The following ZFHX3 variants were observed in gnomAD, a reference collection of about 807,000 sequenced individuals.
ZFHX3 encodes the protein zinc finger homeobox 3.
A neutral mutation model predicts 279.1 loss-of-function variants in ZFHX3; 42 were observed. That is an observed-to-expected ratio of 0.15 (90% CI 0.12 to 0.19). ZFHX3 has a LOEUF of 0.19. ZFHX3 is among the 10% of genes least tolerant of loss of function. ZFHX3 has a pLI of 1.00. For synonymous variants in ZFHX3, 2,293 were observed against 1,957.8 expected, an observed-to-expected ratio of 1.17 and a Z score of -4.52; for missense variants, 4,981 against 4,754.0, an observed-to-expected ratio of 1.05 and a Z score of -1.40.
chr16:73,157,427 T>C (rs946504799), intron 5 of ZFHX3, among the ~76,000 whole-genome samples: 1 of 137,112 alleles, frequency 7.3e-6, no homozygotes, highest in African/African-American at 2.8e-5. Flanking sequence ...CTATGATCAA[T>C]GTGGAGAAAT....
chr16:73,597,479 T>A (rs1190872374), intron 2 of ZFHX3, among the ~76,000 whole-genome samples: 2 of 152,172 alleles, frequency 1.3e-5, no homozygotes, highest in African/African-American at 4.8e-5. Flanking sequence ...AATATGACCT[T>A]ATTTGACAAT....
chr16:73,805,005 A>G (rs914320329), intron 1 of ZFHX3, among the ~76,000 whole-genome samples: 1 of 149,966 alleles, frequency 6.7e-6, no homozygotes, highest in Non-Finnish European at 1.5e-5. Flanking sequence ...TTATTATATG[A>G]CTATTTATGG....
chr16:73,138,844 T>C (rs1438428050), intron 6 of ZFHX3, among the ~76,000 whole-genome samples: 1 of 152,148 alleles, frequency 6.6e-6, no homozygotes, highest in African/African-American at 2.4e-5. Context: ...CGCACCACTA[T>C]GCCTGGCTTA....
chr16:73,094,106 T>C (rs1373251730), intron 7 of ZFHX3, among the ~76,000 whole-genome samples: 1 of 152,204 alleles, frequency 6.6e-6, no homozygotes, highest in Non-Finnish European at 1.5e-5. Flanking sequence ...AGGCGCTCAA[T>C]AGCTTTCTTA....
intron 2 of ZFHX3, among the ~76,000 whole-genome samples, chr16:73,549,054 A>G (rs2020165283): frequency 6.6e-6 from 1 of 152,262 alleles, no homozygotes; most frequent in Non-Finnish European, 1.5e-5. Flanking sequence ...ACATTTAGGA[A>G]TTGTTCACAA....
chr16:73,056,244 C>T (rs1305944481), intron 1 of ZFHX3, among the ~76,000 whole-genome samples: 1 of 152,170 alleles, frequency 6.6e-6, no homozygotes, highest in Non-Finnish European at 1.5e-5. Context: ...CACCTACCAC[C>T]AAGCTTTCAA....
chr16:73,409,105 G>C (rs768362812), intron 3 of ZFHX3, among the ~76,000 whole-genome samples: 10 of 152,158 alleles, frequency 6.6e-5, no homozygotes, highest in Non-Finnish European at 1.0e-4. Context: ...TGCTATATTA[G>C]CATTCACCCA....
At chr16:73,383,574 C>G (rs2016851225) in intron 3 of ZFHX3, among the ~76,000 whole-genome samples, 1 of 152,016 alleles carries the variant, frequency 6.6e-6, no homozygotes, top group Non-Finnish European at 1.5e-5. Flanking sequence ...AGAGGGACCC[C>G]GCATCCAGCA....
chr16:72,939,941 A>AT (rs1960328421), intron 3 of ZFHX3, among the ~76,000 whole-genome samples: 1 of 151,916 alleles, frequency 6.6e-6, no homozygotes, highest in African/African-American at 2.4e-5. Flanking sequence ...CACCCTGATA[A>AT]TTTTTTTATT....
intron 2 of ZFHX3, among the ~76,000 whole-genome samples, chr16:73,501,151 C>T (rs991994253): frequency 6.6e-6 from 1 of 152,232 alleles, no homozygotes; most frequent in Non-Finnish European, 1.5e-5. Context: ...GTATTCACTA[C>T]AGTAGCATGC....
chr16:73,663,674 G>C (rs528754071), intron 2 of ZFHX3, among the ~76,000 whole-genome samples: 2 of 152,340 alleles, frequency 1.3e-5, no homozygotes, highest in Admixed American at 6.5e-5. Context: ...GGACAAAGGA[G>C]ATGCTGAATA....
chr16:73,782,717 G>C (rs1959514245), intron 1 of ZFHX3, among the ~76,000 whole-genome samples: 1 of 152,160 alleles, frequency 6.6e-6, no homozygotes, highest in Admixed American at 6.6e-5. Context: ...TGACCCTCTG[G>C]TTCTGCCCTT....
At chr16:73,569,608 G>A (rs2051714378) in intron 2 of ZFHX3, among the ~76,000 whole-genome samples, 1 of 151,986 alleles carries the variant, frequency 6.6e-6, no homozygotes, top group Non-Finnish European at 1.5e-5. Context: ...GAATCCACTC[G>A]GCCACAATGC....
chr16:73,633,486 G>C (rs992485025), intron 2 of ZFHX3, among the ~76,000 whole-genome samples: 4 of 152,218 alleles, frequency 2.6e-5, no homozygotes, highest in African/African-American at 9.6e-5. Context: ...ATCTTTGCAG[G>C]AAAGTGAGGG....
At chr16:73,235,940 G>C (rs1293188869) in intron 5 of ZFHX3, among the ~76,000 whole-genome samples, 2 of 152,136 alleles carry the variant, frequency 1.3e-5, no homozygotes, top group African/African-American at 4.8e-5. Flanking sequence ...CAAAGGGCTG[G>C]GATTATAGGC....
chr16:73,555,532 T>G (rs1365958778), intron 2 of ZFHX3, among the ~76,000 whole-genome samples: 3 of 151,664 alleles, frequency 2.0e-5, no homozygotes, highest in Non-Finnish European at 4.4e-5. Flanking sequence ...CTGTAAACTC[T>G]TTGAAAGGAT....
intron 3 of ZFHX3, among the ~76,000 whole-genome samples, chr16:73,371,436 G>T (rs928127775): frequency 1.4e-4 from 22 of 151,940 alleles, no homozygotes; most frequent in African/African-American, 5.3e-4. Context: ...CCAGGCTGGA[G>T]TGCAGTGGCG....
intron 8 of ZFHX3, among the ~76,000 whole-genome samples, chr16:73,078,270 C>A (rs2144762927): frequency 6.6e-6 from 1 of 152,308 alleles, no homozygotes; most frequent in African/African-American, 2.4e-5. Flanking sequence ...AAAAACCCAA[C>A]ATTTTCAGAA....
intron 5 of ZFHX3, among the ~76,000 whole-genome samples, chr16:73,212,802 TGAGTCTCAG>T (rs1395955832): frequency 6.6e-6 from 1 of 152,218 alleles, no homozygotes; most frequent in South Asian, 2.1e-4. Context: ...CAGCAGACTT[TGAGTCTCAG>T]GGTCACCCTC....
Sources: allele counts gnomAD v4.1 joint callset (sites outside exome capture counted in the v4.1 genomes callset), GRCh38; gene constraint gnomAD v4.1.1; transcripts MANE v1.5; gene names NCBI Gene and HGNC (gene_info 2026-07-23, HGNC 2026-07-21).